The following LAMB4 variants were observed in gnomAD, a reference collection of about 807,000 sequenced individuals.
LAMB4 encodes the protein laminin subunit beta-4.
LAMB4 carries 196 observed loss-of-function variants against 199.2 expected under a neutral mutation model. That is an observed-to-expected ratio of 0.98 (90% CI 0.88 to 1.11). LAMB4 has a LOEUF of 1.11. Among genes scored for constraint, LAMB4 ranks in the 50% least tolerant of loss-of-function variants. LAMB4 has a pLI of 0.00. For missense variants in LAMB4, 2,080 were observed against 2,171.2 expected (o/e 0.96, Z 0.83); for synonymous variants, 744 against 770.6 (o/e 0.97, Z 0.57).
At chr7:108,032,031 T>C (rs887256161) in intron 31 of LAMB4, among the ~76,000 whole-genome samples, 1 of 152,220 alleles carries the variant, frequency 6.6e-6, no homozygotes, top group African/African-American at 2.4e-5. Context: ...TATCCAATAA[T>C]GGTAATATCC....
Position 108,095,253 on chromosome 7 carries a change from G to A in LAMB4, c.1445C>T (p.Thr482Ile). The A allele has an allele frequency of 6.2e-7, 1 of 1,613,694 alleles. No homozygotes were observed. Among genetic ancestry groups the A allele is most frequent in the Non-Finnish European group, 8.5e-7 (1 of 1,179,692 alleles). The change falls in exon 12 of 34, where the codon ACC (threonine) becomes ATC (isoleucine). Residue 482 changes from threonine (T) to isoleucine (I), a missense_variant. Thr to Ile is a moderately conservative substitution (Grantham distance 89, BLOSUM62 -1). Transcript: ENST00000388781. ...AGTGCATTCTTCGCAGTGTGCTCCG[G>A]TGACATATGACAGGCACAAGCATTG... ...TGQCLCLSYV[T>I]GAHCEECTVG...
At chr7:108,058,969 T>C (rs1013250642) in intron 23 of LAMB4, among the ~76,000 whole-genome samples, 2 of 152,182 alleles carry the variant, frequency 1.3e-5, no homozygotes, top group African/African-American at 4.8e-5. Context: ...TTCAATATCT[T>C]TGCAGTTCCT....
intron 25 of LAMB4, 49 bp from the exon 26 acceptor site, chr7:108,052,306 T>A: frequency 7.1e-7 from 1 of 1,415,124 alleles, no homozygotes; most frequent in Non-Finnish European, 9.4e-7. Context: ...TTACATTTGA[T>A]ATATTGGTGA....
chr7:108,116,214 G>A (rs1186468638), intron 2 of LAMB4, 53 bp from the exon 3 acceptor site: 3 of 1,523,206 alleles, frequency 2.0e-6, no homozygotes, highest in Non-Finnish European at 2.7e-6. Context: ...GACAGCACAG[G>A]GCCTGCAGAA....
chr7:108,109,647 C>T (rs1361305647), intron 4 of LAMB4, among the ~76,000 whole-genome samples: 2 of 152,226 alleles, frequency 1.3e-5, no homozygotes, highest in African/African-American at 2.4e-5. Flanking sequence ...CCCATTTCTT[C>T]CAAGAGCTGC....
Position 108,023,878 on chromosome 7 carries a change from A to G in LAMB4, c.*161T>C, listed in dbSNP as rs1240530504. 2.3e-6 allele frequency: 1 copy of G among 441,104 alleles called. No homozygotes were observed. Among genetic ancestry groups the G allele is most frequent in the Non-Finnish European group, 3.9e-6 (1 of 257,316 alleles). 27.3% of individuals were successfully genotyped at this position (441,104 alleles called of 1,614,324 possible). ...TATGAAGTGGCATTTTCCTGGTGGC[A>G]TTTCAACCTCCAGCCACACTGAGCA... is the stretch of plus-strand genomic sequence containing the variant. On this transcript the variant is annotated 3_prime_UTR_variant, in exon 34 of 34. Transcript: ENST00000388781.
chr7:108,093,212 G>A (rs1001598578), intron 12 of LAMB4, among the ~76,000 whole-genome samples: 7 of 151,938 alleles, frequency 4.6e-5, no homozygotes, highest in Admixed American at 2.0e-4. Flanking sequence ...GATTACAGGC[G>A]CCTGCCACCA....
intron 29 of LAMB4, among the ~76,000 whole-genome samples, chr7:108,039,109 C>T (rs2035329817): frequency 6.6e-6 from 1 of 151,998 alleles, no homozygotes; most frequent in Non-Finnish European, 1.5e-5. Context: ...GAGAGAATTA[C>T]AGGAGCTAAA....
intron 8 of LAMB4, 87 bp from the exon 9 acceptor site, chr7:108,104,706 C>T: frequency 3.4e-6 from 5 of 1,465,850 alleles, no homozygotes; most frequent in Non-Finnish European, 4.7e-6. Context: ...AATACCAGGT[C>T]CTGGTACCTC....
At chr7:108,088,155 G>C (rs1584723643) in intron 14 of LAMB4, among the ~76,000 whole-genome samples, 1 of 146,098 alleles carries the variant, frequency 6.8e-6, no homozygotes, top group South Asian at 2.2e-4. Flanking sequence ...ATGCAAAGCT[G>C]TTGCTAAAAT....
At chr7:108,126,755 AGACGGGG>A (rs1443605509) in intron 1 of LAMB4, among the ~76,000 whole-genome samples, 18 of 148,250 alleles carry the variant, frequency 1.2e-4, no homozygotes, top group Admixed American at 1.0e-3. Context: ...TTTTTAGTAG[AGACGGGG>A]TTTCACCTTG....
chr7:108,106,513 G>T lies in LAMB4; in HGVS notation c.651C>A (p.Ile217=). ...AAAATATAAAGGAATTCATACCTTG[G>T]ATGTAGGGGCTATAAGGGTTTTCAA... ...FEIENPYSPY[I]QDLVTLTNLR... Residue 217 remains isoleucine (I), a synonymous_variant, in exon 7 of 34, where the codon ATC becomes ATA. Transcript: ENST00000388781. The T allele has an allele frequency of 6.4e-7, 1 of 1,564,358 alleles. No homozygotes were observed. Among genetic ancestry groups the T allele is most frequent in the East Asian group, 2.2e-5 (1 of 44,644 alleles).
At chr7:108,114,878 C>T (rs957155107) in intron 3 of LAMB4, among the ~76,000 whole-genome samples, 2 of 152,134 alleles carry the variant, frequency 1.3e-5, no homozygotes, top group African/African-American at 4.8e-5. Flanking sequence ...ACCTGAAAAG[C>T]CACTTATCCT....
At chr7:108,091,006 A>T (rs569782191) in intron 14 of LAMB4, among the ~76,000 whole-genome samples, 3 of 152,240 alleles carry the variant, frequency 2.0e-5, no homozygotes, top group Admixed American at 1.3e-4. Flanking sequence ...ACCTAGAATT[A>T]GTCCCCCTTG....
intron 10 of LAMB4, among the ~76,000 whole-genome samples, chr7:108,102,004 C>T (rs1205264014): frequency 3.3e-5 from 5 of 152,164 alleles, no homozygotes; most frequent in South Asian, 2.1e-4. Context: ...TTACTATTGG[C>T]GTGAGTGGCC....
At chr7:108,035,546 G>GAA (rs71137604) in intron 30 of LAMB4, among the ~76,000 whole-genome samples, 188 of 107,990 alleles carry the variant, frequency 1.7e-3, no homozygotes, top group Middle Eastern at 5.1e-3. Flanking sequence ...TGTCTCAAAA[G>GAA]AAAAAAAAAA....
In LAMB4 at chr7:108,030,825, T is replaced by G; in HGVS notation, c.4973A>C (p.Gln1658Pro). ...AATGACCTTCTCAAGACTCCCAGCC[T>G]GGTGTTGGGCAGATTCAGCCTGAAC... The part of the protein sequence containing the change: ...AKVQAESAQH[Q>P]AGSLEKEFVE... Residue 1658 changes from glutamine (Q) to proline (P), a missense_variant, in exon 32 of 34, where the codon CAG becomes CCG. Transcript: ENST00000388781. 1 of 1,614,120 alleles carries G rather than the reference T, an allele frequency of 6.2e-7. No homozygotes were observed. The highest frequency in any genetic ancestry group is 1.1e-5 in the South Asian group (1 of 91,062).
chr7:108,020,470 CA>C (rs57432162), downstream of LAMB4, among the ~76,000 whole-genome samples: 13,389 of 62,990 alleles, frequency 0.21, 892 homozygotes, highest in African/African-American at 0.38. Flanking sequence ...GACTCCATCT[CA>C]AAAAAAAAAA....
Position 108,028,922 on chromosome 7 carries a change from C to T in LAMB4, c.5146+121G>A, listed in dbSNP as rs1584581811. Reference sequence around the variant, plus strand: ...CAAAACACAAGACCAATTTCTACTTCTCTCTCCTCAGTGGACCCAAGTGAT... The same window carrying T: ...CAAAACACAAGACCAATTTCTACTTTTCTCTCCTCAGTGGACCCAAGTGAT... On this transcript the variant is annotated intron_variant, in intron 33 of 33. Coordinates refer to ENST00000388781, the MANE Select transcript of LAMB4 (RefSeq NM_007356.3). 1.6e-5 allele frequency: 14 copies of T among 899,614 alleles called. 1 individual carries two copies. In the East Asian group the frequency reaches 3.7e-4, roughly 24 times the overall value. 55.7% of individuals were successfully genotyped at this position (899,614 alleles called of 1,614,324 possible). A position where few individuals can be genotyped will look rare whatever the true frequency, so the allele number is the denominator to read the frequency against.
Sources: allele counts gnomAD v4.1 joint callset (sites outside exome capture counted in the v4.1 genomes callset), GRCh38; gene constraint gnomAD v4.1.1; transcripts MANE v1.5; gene names NCBI Gene and HGNC (gene_info 2026-07-23, HGNC 2026-07-21).